The following PDLIM5 variants were observed in gnomAD, a reference collection of about 807,000 sequenced individuals.
PDLIM5 encodes the protein PDZ and LIM domain 5.
PDLIM5 carries 34 observed loss-of-function variants against 64.2 expected under a neutral mutation model. The ratio of observed to expected loss-of-function variants is 0.53; its 90% CI spans 0.40 to 0.71. The LOEUF (loss-of-function observed/expected upper bound fraction) is 0.71. PDLIM5 is among the 30% of genes least tolerant of loss of function. The pLI is 0.00. For synonymous variants in PDLIM5, 253 were observed against 269.1 expected, an observed-to-expected ratio of 0.94 and a Z score of 0.59; for missense variants, 683 against 733.6, an observed-to-expected ratio of 0.93 and a Z score of 0.80.
intron 2 of PDLIM5, among the ~76,000 whole-genome samples, chr4:94,492,933 T>C (rs1727002152): frequency 6.6e-6 from 1 of 152,178 alleles, no homozygotes; most frequent in African/African-American, 2.4e-5. Context: ...TGTTTAACTA[T>C]TTGAGGAACT....
intron 2 of PDLIM5, among the ~76,000 whole-genome samples, chr4:94,520,623 A>G (rs1183521513): frequency 6.6e-6 from 1 of 152,232 alleles, no homozygotes; most frequent in African/African-American, 2.4e-5. Flanking sequence ...AATGAAGCTC[A>G]TAGGAGTATT....
At chr4:94,616,282 A>G (rs1474429968) in intron 7 of PDLIM5, among the ~76,000 whole-genome samples, 1 of 152,176 alleles carries the variant, frequency 6.6e-6, no homozygotes, top group Non-Finnish European at 1.5e-5. Flanking sequence ...ATGAGTAAAA[A>G]TGTTGAAAAT....
intron 8 of PDLIM5, among the ~76,000 whole-genome samples, chr4:94,635,973 C>A (rs1224248635): frequency 6.6e-6 from 1 of 152,164 alleles, no homozygotes; most frequent in Non-Finnish European, 1.5e-5. Flanking sequence ...ATTTCATATC[C>A]AAAGTGGTTA....
intron 2 of PDLIM5, among the ~76,000 whole-genome samples, chr4:94,498,976 A>C (rs538951927): frequency 1.3e-5 from 2 of 152,362 alleles, no homozygotes; most frequent in South Asian, 4.1e-4. Flanking sequence ...GTAGCTGTTA[A>C]TGGTAAAAAT....
intron 3 of PDLIM5, among the ~76,000 whole-genome samples, chr4:94,551,588 A>T (rs1732811738): frequency 3.9e-5 from 6 of 152,082 alleles, no homozygotes; most frequent in Admixed American, 3.9e-4. Flanking sequence ...TTGCTTATTC[A>T]TTTCATCTCC....
chr4:94,659,900 CTTT>C (rs11424534), intron 11 of PDLIM5, among the ~76,000 whole-genome samples: 1 of 141,022 alleles, frequency 7.1e-6, no homozygotes, highest in South Asian at 2.3e-4. Flanking sequence ...AAAAATTACA[CTTT>C]TTTTTTTTTT....
intron 2 of PDLIM5, among the ~76,000 whole-genome samples, chr4:94,458,658 G>A (rs1723594482): frequency 6.6e-6 from 1 of 152,024 alleles, no homozygotes; most frequent in Non-Finnish European, 1.5e-5. Flanking sequence ...TATAACACTG[G>A]AGCTCTGGTG....
chr4:94,562,632 C>G (rs536991590), intron 3 of PDLIM5, among the ~76,000 whole-genome samples: 1 of 152,174 alleles, frequency 6.6e-6, no homozygotes, highest in South Asian at 2.1e-4. Flanking sequence ...CAAGTATAGT[C>G]CAGTTTGGGT....
intron 8 of PDLIM5, among the ~76,000 whole-genome samples, chr4:94,620,722 A>G (rs527654602): frequency 8.5e-5 from 13 of 152,138 alleles, no homozygotes; most frequent in African/African-American, 3.1e-4. Context: ...TATACAGTCT[A>G]TTTTATAGTG....
intron 2 of PDLIM5, among the ~76,000 whole-genome samples, chr4:94,498,114 C>T (rs114297755): frequency 0.019 from 2,825 of 152,254 alleles, 46 homozygotes; most frequent in Non-Finnish European, 0.029. Flanking sequence ...CAGGGCTCAG[C>T]ATTGAGAAAC....
At chr4:94,620,668 A>T (rs1739149203) in intron 8 of PDLIM5, among the ~76,000 whole-genome samples, 3 of 152,074 alleles carry the variant, frequency 2.0e-5, no homozygotes, top group Admixed American at 2.0e-4. Flanking sequence ...AATATATTAG[A>T]TACTAAATAA....
chr4:94,552,884 A>G (rs1403920012), intron 3 of PDLIM5, among the ~76,000 whole-genome samples: 1 of 152,140 alleles, frequency 6.6e-6, no homozygotes, highest in East Asian at 1.9e-4. Flanking sequence ...CAGAAACTCT[A>G]GAAGGGGCAG....
intron 3 of PDLIM5, among the ~76,000 whole-genome samples, chr4:94,547,305 T>C (rs1380449286): frequency 6.6e-6 from 1 of 152,140 alleles, no homozygotes; most frequent in Non-Finnish European, 1.5e-5. Context: ...TTCTGAAGAT[T>C]CTTGGGGAGA....
chr4:94,555,362 T>G (rs1055185511), intron 3 of PDLIM5, among the ~76,000 whole-genome samples: 3 of 152,216 alleles, frequency 2.0e-5, no homozygotes, highest in Non-Finnish European at 4.4e-5. Context: ...CCTAAATGCA[T>G]TTTTTACTTA....
intron 2 of PDLIM5, among the ~76,000 whole-genome samples, chr4:94,469,575 G>A (rs1724666128): frequency 6.6e-6 from 1 of 152,052 alleles, no homozygotes; most frequent in Non-Finnish European, 1.5e-5. Context: ...CCAGTGCCAG[G>A]GTGAGAGATA....
intron 7 of PDLIM5, among the ~76,000 whole-genome samples, chr4:94,614,488 A>G (rs1444545937): frequency 1.3e-5 from 2 of 152,184 alleles, no homozygotes; most frequent in Non-Finnish European, 2.9e-5. Context: ...TTAGATTTTT[A>G]GGGGATTGGG....
At chr4:94,652,963 A>G (rs995054728) in intron 9 of PDLIM5, among the ~76,000 whole-genome samples, 3 of 152,164 alleles carry the variant, frequency 2.0e-5, no homozygotes, top group Non-Finnish European at 4.4e-5. Context: ...GTGACAAAGA[A>G]TTTACAGTGG....
At chr4:94,659,021 C>T (rs1014818168) in intron 11 of PDLIM5, among the ~76,000 whole-genome samples, 1 of 152,104 alleles carries the variant, frequency 6.6e-6, no homozygotes, top group Non-Finnish European at 1.5e-5. Flanking sequence ...GCCTTAATAC[C>T]TATATTTAAT....
rs146555555 is a variant in PDLIM5, at chr4:94,535,107, G to A, written c.248+11232G>A. ...GACTGCTTGGAAAGAGGTGGAGAGA[G>A]ACCAGAGGCAGGGAGACTAGTCAGG... On this transcript the variant is annotated intron_variant, in intron 3 of 12. Coordinates refer to ENST00000317968, the MANE Select transcript of PDLIM5 (RefSeq NM_006457.5). 6.0e-3 allele frequency among the ~76,000 whole-genome samples: 918 copies of A among 152,288 alleles called. 7 individuals carry two copies. Among genetic ancestry groups the A allele is most frequent in the African/African-American group, 0.021 (855 of 41,552 alleles).
Sources: gnomAD v4.1 joint callset for allele counts (sites outside exome capture counted in the v4.1 genomes callset) on GRCh38, gnomAD v4.1.1 for gene constraint, MANE v1.5 for transcripts, NCBI Gene and HGNC (gene_info 2026-07-23, HGNC 2026-07-21) for gene names.